The following LHX8 variants were observed in gnomAD, a reference collection of about 807,000 sequenced individuals.
The protein encoded by LHX8 is LIM homeobox 8, also known as LIM/homeobox protein Lhx8.
A neutral mutation model predicts 40.3 loss-of-function variants in LHX8; 12 were observed. The ratio of observed to expected loss-of-function variants is 0.30; its 90% CI spans 0.19 to 0.48. The LOEUF (loss-of-function observed/expected upper bound fraction) is 0.48, where lower values mean the gene tolerates loss of function less well. Among genes scored for constraint, LHX8 ranks in the 20% least tolerant of loss-of-function variants. LHX8 has a pLI of 0.99. For missense variants in LHX8, 344 were observed against 433.7 expected, an observed-to-expected ratio of 0.79 and a Z score of 1.84; for synonymous variants, 179 against 162.0, an observed-to-expected ratio of 1.10 and a Z score of -0.80.
At chr1:75,132,657 C>G (rs1000428104), upstream of LHX8, 5 of 152,056 alleles carry the variant, frequency 3.3e-5, no homozygotes, top group Non-Finnish European at 7.3e-5. Flanking sequence ...GCCCTGCTTC[C>G]CTAACACAGC....
At chr1:75,131,971 G>A (rs1038475356), upstream of LHX8, 2 of 152,186 alleles carry the variant, frequency 1.3e-5, no homozygotes, top group Non-Finnish European at 2.9e-5. Context: ...CACATAAGAT[G>A]ATGTTTTTTT....
chr1:75,177,066 G>T, the LHX8 span, among the ~76,000 whole-genome samples: 2 of 152,122 alleles, frequency 1.3e-5, no homozygotes, highest in Admixed American at 6.6e-5. Context: ...ATGCTTTTTT[G>T]ATCACTATAG....
chr1:75,170,813 G>T, the LHX8 span, among the ~76,000 whole-genome samples: 2 of 152,168 alleles, frequency 1.3e-5, no homozygotes, highest in Non-Finnish European at 2.9e-5. Flanking sequence ...GACTGTAGGA[G>T]GGAGTTGCTA....
intron 2 of LHX8, 72 bp downstream of exon 2, chr1:75,136,761 C>A: frequency 7.8e-7 from 1 of 1,283,530 alleles, no homozygotes; most frequent in Non-Finnish European, 1.1e-6. Context: ...GGGCCGCTGT[C>A]CCCGCGCTCC....
the LHX8 span, among the ~76,000 whole-genome samples, chr1:75,185,647 C>A: frequency 6.6e-6 from 1 of 152,152 alleles, no homozygotes; most frequent in African/African-American, 2.4e-5. Flanking sequence ...GACAAGTATG[C>A]CCTCTCTCAC....
At chr1:75,141,335 CACTTTG>C (rs1648304894) in intron 4 of LHX8, among the ~76,000 whole-genome samples, 1 of 152,064 alleles carries the variant, frequency 6.6e-6, no homozygotes, top group Non-Finnish European at 1.5e-5. Flanking sequence ...ATAATACTTT[CACTTTG>C]GGGAGTGAAA....
the LHX8 span, among the ~76,000 whole-genome samples, chr1:75,188,627 C>A: frequency 6.6e-6 from 1 of 152,198 alleles, no homozygotes; most frequent in African/African-American, 2.4e-5. Context: ...CCAGTGCTCC[C>A]TAGGTAGAGG....
chr1:75,181,205 G>A, the LHX8 span, among the ~76,000 whole-genome samples: 1 of 152,172 alleles, frequency 6.6e-6, no homozygotes, highest in African/African-American at 2.4e-5. Context: ...CATTCTCAGA[G>A]CTCAAATACC....
the LHX8 span, among the ~76,000 whole-genome samples, chr1:75,177,431 C>A: frequency 2.3e-3 from 343 of 152,168 alleles, 2 homozygotes; most frequent in African/African-American, 7.7e-3. Flanking sequence ...ATTCTCTTTG[C>A]AGCAATTGTG....
chr1:75,137,295 G>T, intron 3 of LHX8, 34 bp downstream of exon 3: 1 of 1,603,860 alleles, frequency 6.2e-7, no homozygotes, highest in Non-Finnish European at 8.5e-7. Flanking sequence ...GGCCCAAGGG[G>T]AGCGGGCTTA....
downstream of LHX8, among the ~76,000 whole-genome samples, chr1:75,163,864 T>G: frequency 6.6e-6 from 1 of 152,180 alleles, no homozygotes; most frequent in East Asian, 1.9e-4. Flanking sequence ...ATGGGATTAG[T>G]GCCCTTATAA....
At chr1:75,160,571 A>G (rs892951158) in intron 8 of LHX8, 8 of 510,924 alleles carry the variant, frequency 1.6e-5, no homozygotes, top group South Asian at 6.7e-5. Flanking sequence ...TGAATGGGGT[A>G]TGGATGGAGG....
intron 6 of LHX8, 52 bp downstream of exon 6, chr1:75,144,000 A>C: frequency 7.2e-7 from 1 of 1,394,392 alleles, no homozygotes; most frequent in Non-Finnish European, 1.0e-6. Flanking sequence ...AACCAAAAAA[A>C]CAAAAAGTAA....
chr1:75,156,756 AT>A, intron 7 of LHX8, 136 bp from the exon 8 acceptor site: 1 of 833,188 alleles, frequency 1.2e-6, no homozygotes, highest in Non-Finnish European at 2.1e-6. Context: ...TAGAACTTTT[AT>A]AAAAGCTGAG....
At chr1:75,168,942 A>G in the LHX8 span, among the ~76,000 whole-genome samples, 2 of 152,138 alleles carry the variant, frequency 1.3e-5, no homozygotes, top group Non-Finnish European at 2.9e-5. Flanking sequence ...AAATACCTAC[A>G]CAACTTGTTC....
downstream of LHX8, among the ~76,000 whole-genome samples, chr1:75,163,901 C>T (rs1002427378): frequency 2.6e-5 from 4 of 152,174 alleles, no homozygotes; most frequent in African/African-American, 9.7e-5. Flanking sequence ...TTGTTTGCCC[C>T]TTTGGCCTTC....
At chr1:75,156,751 C>A in intron 7 of LHX8, 142 bp from the exon 8 acceptor site, 4 of 814,132 alleles carry the variant, frequency 4.9e-6, no homozygotes, top group South Asian at 1.4e-5. Flanking sequence ...GTCTATAGAA[C>A]TTTTATAAAA....
intron 1 of LHX8, among the ~76,000 whole-genome samples, chr1:75,136,137 G>C (rs1220506870): frequency 6.6e-6 from 1 of 152,114 alleles, no homozygotes; most frequent in African/African-American, 2.4e-5. Flanking sequence ...TTTAATTGAG[G>C]TTATTAAAGA....
chr1:75,179,668 TGG>T, the LHX8 span, among the ~76,000 whole-genome samples: 1 of 152,190 alleles, frequency 6.6e-6, no homozygotes, highest in Non-Finnish European at 1.5e-5. Context: ...ATCTTTTAAT[TGG>T]GGTATTTAGC....
Sources: allele counts gnomAD v4.1 joint callset (sites outside exome capture counted in the v4.1 genomes callset), GRCh38; gene constraint gnomAD v4.1.1; transcripts MANE v1.5; gene names NCBI Gene and HGNC (gene_info 2026-07-23, HGNC 2026-07-21).